INTU: variants seen among roughly 807,000 people sequenced by gnomAD.
INTU encodes inturned planar cell polarity protein, also known as protein inturned.
In INTU, 68 loss-of-function variants were observed where a neutral mutation model predicts 100.5. That is an observed-to-expected ratio of 0.68 (90% CI 0.56 to 0.83). The LOEUF is 0.83. INTU is among the 40% of genes least tolerant of loss of function. INTU has a pLI of 0.00. For synonymous variants in INTU, 357 were observed against 395.7 expected, an observed-to-expected ratio of 0.90 and a Z score of 1.16; for missense variants, 1,071 against 1,114.7, an observed-to-expected ratio of 0.96 and a Z score of 0.56.
intron 13 of INTU, among the ~76,000 whole-genome samples, chr4:127,709,040 C>T (rs1349032485): frequency 6.6e-6 from 1 of 152,194 alleles, no homozygotes; most frequent in Admixed American, 6.5e-5. Context: ...TCCTTTCCAA[C>T]ACTTGAGAAT....
intron 2 of INTU, among the ~76,000 whole-genome samples, chr4:127,647,449 T>C (rs998853427): frequency 1.3e-5 from 2 of 152,168 alleles, no homozygotes; most frequent in Non-Finnish European, 2.9e-5. Flanking sequence ...TTCCAGTCTC[T>C]CTCATGCTGA....
intron 6 of INTU, among the ~76,000 whole-genome samples, chr4:127,674,486 T>C (rs1729082726): frequency 6.6e-6 from 1 of 152,206 alleles, no homozygotes; most frequent in African/African-American, 2.4e-5. Flanking sequence ...AGAGATGAGC[T>C]CTGCCTCTGC....
chr4:127,704,103 A>C lies in INTU; in HGVS notation c.1504-125A>C. 4.3e-6 allele frequency: 3 copies of C among 696,122 alleles called. No homozygotes were observed. The Admixed American group carries it at 8.0e-5, about 19-fold the overall frequency. 43.1% of individuals were successfully genotyped at this position (696,122 alleles called of 1,614,324 possible). A position where few individuals can be genotyped will look rare whatever the true frequency, so the allele number is the denominator to read the frequency against. On this transcript the variant is annotated intron_variant, in intron 9 of 15. Transcript: ENST00000335251. ...TAATATTCTGGTATATTGATTTCTAAAGATGGCACTATGAAAAGTTTAGTT... is the reference window on the plus strand; with the variant it reads ...TAATATTCTGGTATATTGATTTCTACAGATGGCACTATGAAAAGTTTAGTT...
intron 8 of INTU, among the ~76,000 whole-genome samples, chr4:127,690,222 A>G (rs951355461): frequency 2.6e-5 from 4 of 152,208 alleles, no homozygotes; most frequent in South Asian, 2.1e-4. Context: ...TTAATTTAGC[A>G]TATATTTCTT....
chr4:127,679,665 T>C (rs952219869), intron 6 of INTU, among the ~76,000 whole-genome samples: 8 of 151,494 alleles, frequency 5.3e-5, no homozygotes, highest in Non-Finnish European at 1.0e-4. Flanking sequence ...AGATCCAAAA[T>C]TGACACCCTA....
rs528647466 is a variant in INTU, at chr4:127,704,253, G to A, written c.1529G>A (p.Arg510Gln). 1.1e-5 allele frequency: 18 copies of A among 1,609,776 alleles called. No individual in the cohort carries two copies. The highest frequency in any genetic ancestry group is 3.3e-5 in the Admixed American group (2 of 59,900). The change falls in exon 10 of 16, where the codon CGG becomes CAG. Residue 510 changes from arginine (R) to glutamine (Q), a missense_variant. Transcript: ENST00000335251. Reference sequence around the variant, plus strand: ...TCCGAGGATTACTATGACATGAGGCGGCTGTATACAATTTTGGGGTCTTCT... The same window carrying A: ...TCCGAGGATTACTATGACATGAGGCAGCTGTATACAATTTTGGGGTCTTCT... ...ELSEDYYDMR[R>Q]LYTILGSSLF...
Position 127,704,256 on chromosome 4 carries a change from T to A in INTU, c.1532T>A (p.Leu511Gln). 6.2e-7 allele frequency: 1 copy of A among 1,611,132 alleles called. No homozygotes were observed. Among genetic ancestry groups the A allele is most frequent in the Non-Finnish European group, 8.5e-7 (1 of 1,178,412 alleles). Residue 511 changes from leucine (L) to glutamine (Q), a missense_variant, in exon 10 of 16, where the codon CTG becomes CAG. Leu to Gln is a moderately radical substitution (Grantham distance 113). Coordinates refer to ENST00000335251, the MANE Select transcript of INTU (RefSeq NM_015693.4). Reference protein sequence around the residue: ...LSEDYYDMRRLYTILGSSLFY... With the variant: ...LSEDYYDMRRQYTILGSSLFY... Reference sequence around the variant, plus strand: ...GAGGATTACTATGACATGAGGCGGCTGTATACAATTTTGGGGTCTTCTCTA... The same window carrying A: ...GAGGATTACTATGACATGAGGCGGCAGTATACAATTTTGGGGTCTTCTCTA...
chr4:127,698,253 G>A (rs1326605258), intron 8 of INTU, among the ~76,000 whole-genome samples: 7 of 152,162 alleles, frequency 4.6e-5, no homozygotes, highest in Non-Finnish European at 8.8e-5. Context: ...ACAAGGTCAG[G>A]AGTTCGAGAC....
In INTU at chr4:127,633,092, C is replaced by G. The variant is rs747779931; in HGVS notation, c.58C>G (p.Pro20Ala). 107 of 1,613,796 alleles carry G rather than the reference C, an allele frequency of 6.6e-5. No individual in the cohort carries two copies. The highest frequency in any genetic ancestry group is 8.5e-5 in the Non-Finnish European group (100 of 1,179,840). ...RPSSDELPGD[P>A]SSQEEDEDYD... Reference sequence around the variant, plus strand: ...GAGCTCAGACGAGCTCCCTGGAGACCCCTCTTCACAAGAAGAAGATGAGGA... The same window carrying G: ...GAGCTCAGACGAGCTCCCTGGAGACGCCTCTTCACAAGAAGAAGATGAGGA... The change falls in exon 1 of 16, where the codon CCC becomes GCC. Residue 20 changes from proline (P) to alanine (A), a missense_variant. Transcript: ENST00000335251.
intron 2 of INTU, among the ~76,000 whole-genome samples, chr4:127,656,021 A>C (rs182018465): frequency 6.6e-6 from 1 of 152,292 alleles, no homozygotes; most frequent in Non-Finnish European, 1.5e-5. Context: ...TTGACTCGGA[A>C]AGGGAACTCC....
chr4:127,704,641 T>C (rs1482880579), intron 10 of INTU, among the ~76,000 whole-genome samples: 1 of 152,150 alleles, frequency 6.6e-6, no homozygotes, highest in East Asian at 1.9e-4. Context: ...CTTGTAAATA[T>C]AATAAATATT....
At chr4:127,703,424 G>A (rs1299171997) in intron 9 of INTU, among the ~76,000 whole-genome samples, 1 of 152,110 alleles carries the variant, frequency 6.6e-6, no homozygotes, top group Non-Finnish European at 1.5e-5. Context: ...CTGCTCTTAT[G>A]GATTGGAATG....
At chr4:127,678,456 T>A (rs927367907) in intron 6 of INTU, among the ~76,000 whole-genome samples, 20 of 152,132 alleles carry the variant, frequency 1.3e-4, no homozygotes, top group Admixed American at 1.0e-3. Flanking sequence ...TCAACATTCT[T>A]AAAGAGAAGA....
At chr4:127,656,513 G>T (rs1728233039) in intron 2 of INTU, 123 bp from the exon 3 acceptor site, 1 of 645,438 alleles carries the variant, frequency 1.5e-6, no homozygotes, top group Middle Eastern at 2.9e-4. Flanking sequence ...GTTCCTGCTT[G>T]TCTGCACCAG....
chr4:127,642,092 A>G (rs1489127258), intron 1 of INTU, among the ~76,000 whole-genome samples: 1 of 152,178 alleles, frequency 6.6e-6, no homozygotes, highest in East Asian at 1.9e-4. Context: ...CACTGTAGCA[A>G]TTAAAATTAA....
intron 3 of INTU, among the ~76,000 whole-genome samples, chr4:127,660,148 T>A (rs2126196934): frequency 6.6e-6 from 1 of 152,142 alleles, no homozygotes; most frequent in East Asian, 1.9e-4. Flanking sequence ...AGAAGAGAGA[T>A]GATAAAGGCC....
intron 6 of INTU, 97 bp from the exon 7 acceptor site, chr4:127,684,312 C>G: frequency 1.4e-6 from 1 of 692,220 alleles, no homozygotes; most frequent in Non-Finnish European, 2.5e-6. Flanking sequence ...ATACTTTTCA[C>G]ATTCCGTATG....
chr4:127,639,312 T>A (rs1727208317), intron 1 of INTU, among the ~76,000 whole-genome samples: 2 of 152,182 alleles, frequency 1.3e-5, no homozygotes, highest in African/African-American at 4.8e-5. Context: ...TGTAAGGTAG[T>A]GTCTGCCAGG....
chr4:127,657,816 G>A (rs1190476674), intron 3 of INTU, among the ~76,000 whole-genome samples: 1 of 151,818 alleles, frequency 6.6e-6, no homozygotes, highest in African/African-American at 2.4e-5. Flanking sequence ...ATGGTGAGTT[G>A]TATAATTATT....
Sources: gnomAD v4.1 joint callset for allele counts (sites outside exome capture counted in the v4.1 genomes callset) on GRCh38, gnomAD v4.1.1 for gene constraint, MANE v1.5 for transcripts, NCBI Gene and HGNC (gene_info 2026-07-23, HGNC 2026-07-21) for gene names.